AMZ1: variants seen among roughly 807,000 people sequenced by gnomAD.
AMZ1 encodes archaemetzincin-1.
A neutral mutation model predicts 29.9 loss-of-function variants in AMZ1; 39 were observed. That is an observed-to-expected ratio of 1.30 (90% CI 1.01 to 1.70). The LOEUF is 1.70. Ranked by LOEUF, AMZ1 falls within the 40% of genes most tolerant of loss-of-function variation. AMZ1 has a pLI of 0.00. For missense variants in AMZ1, 1,041 were observed against 680.6 expected (o/e 1.53, Z -5.89); for synonymous variants, 458 against 304.0 (o/e 1.51, Z -5.27).
intron 4 of AMZ1, among the ~76,000 whole-genome samples, chr7:2,740,902 G>C (rs375230513): frequency 6.6e-6 from 1 of 152,060 alleles, no homozygotes; most frequent in Non-Finnish European, 1.5e-5. Flanking sequence ...AAAATTAGTC[G>C]GGCGTGGTGG....
upstream of AMZ1, among the ~76,000 whole-genome samples, chr7:2,761,113 G>A (rs367593359): frequency 1.3e-5 from 2 of 152,292 alleles, no homozygotes; most frequent in East Asian, 3.9e-4. Flanking sequence ...TCTGGCTCTC[G>A]GCTGTGGGGC....
At chr7:2,711,129 C>A (rs798567) in intron 6 of AMZ1, among the ~76,000 whole-genome samples, 1 of 151,972 alleles carries the variant, frequency 6.6e-6, no homozygotes, top group Non-Finnish European at 1.5e-5. Flanking sequence ...GAGCTCTCTC[C>A]GTTCCGTGAG....
chr7:2,752,378 TGTA>T (rs1458818379), intron 4 of AMZ1, among the ~76,000 whole-genome samples: 1 of 152,106 alleles, frequency 6.6e-6, no homozygotes, highest in Admixed American at 6.5e-5. Context: ...TAACACTGGG[TGTA>T]AGGCAAGGAT....
intron 3 of AMZ1, among the ~76,000 whole-genome samples, chr7:2,704,665 T>C (rs1433264235): frequency 1.4e-5 from 2 of 147,644 alleles, no homozygotes; most frequent in African/African-American, 2.5e-5. Flanking sequence ...GGCATGATCT[T>C]GGCTCACTGC....
chr7:2,685,019 G>C (rs192238646), upstream of AMZ1, among the ~76,000 whole-genome samples: 1 of 151,668 alleles, frequency 6.6e-6, no homozygotes, highest in Non-Finnish European at 1.5e-5. Flanking sequence ...ACAGGCGCCC[G>C]CCACCACGCC....
intron 1 of AMZ1, among the ~76,000 whole-genome samples, chr7:2,699,354 C>G (rs1039840755): frequency 2.0e-5 from 3 of 152,198 alleles, no homozygotes; most frequent in African/African-American, 4.8e-5. Flanking sequence ...CACCCCCCAC[C>G]GTCTCCTCCC....
chr7:2,718,320 G>A lies in AMZ1; in HGVS notation c.*5442G>A, dbSNP rs986452561. 6.6e-6 allele frequency among the ~76,000 whole-genome samples: 1 copy of A among 152,144 alleles called. No homozygotes were observed. The highest frequency in any genetic ancestry group is 2.4e-5 in the African/African-American group (1 of 41,422). On this transcript the variant is annotated 3_prime_UTR_variant, in exon 7 of 7. Coordinates refer to ENST00000683327, the MANE Select transcript of AMZ1 (RefSeq NM_001384743.1). The stretch of plus-strand genomic sequence containing the variant: ...TGCTCTGCCCGCCACAGTGTGCCTG[G>A]TTTTCTGGATACAGCATGACTGAAC...
At chr7:2,696,352 G>T (rs533518583) in intron 1 of AMZ1, among the ~76,000 whole-genome samples, 1 of 149,650 alleles carries the variant, frequency 6.7e-6, no homozygotes, top group East Asian at 2.1e-4. Context: ...CGCCTCCCAG[G>T]TTCACGCCAT....
intron 4 of AMZ1, among the ~76,000 whole-genome samples, chr7:2,732,819 G>T (rs1317407435): frequency 6.6e-6 from 1 of 152,200 alleles, no homozygotes; most frequent in Non-Finnish European, 1.5e-5. Context: ...AAAAAAAGGA[G>T]AGACATACAG....
At chr7:2,707,228 G>T (rs1305025482) in intron 3 of AMZ1, among the ~76,000 whole-genome samples, 1 of 151,318 alleles carries the variant, frequency 6.6e-6, no homozygotes, top group African/African-American at 2.4e-5. Context: ...AACTGAGATA[G>T]ATAGCGCCAC....
At chr7:2,721,723 A>G (rs1429045965), downstream of AMZ1, among the ~76,000 whole-genome samples, 1 of 151,968 alleles carries the variant, frequency 6.6e-6, no homozygotes, top group East Asian at 1.9e-4. Flanking sequence ...CTCAAAAAAA[A>G]AAAAAAAGAT....
chr7:2,764,405 GA>G (rs1254249142), upstream of AMZ1, among the ~76,000 whole-genome samples: 1 of 152,118 alleles, frequency 6.6e-6, no homozygotes, highest in African/African-American at 2.4e-5. Flanking sequence ...TATTCACACA[GA>G]AGTACATCTG....
intron 4 of AMZ1, among the ~76,000 whole-genome samples, chr7:2,752,551 A>C (rs1424046667): frequency 6.6e-6 from 1 of 152,226 alleles, no homozygotes; most frequent in African/African-American, 2.4e-5. Context: ...CAAAATCCTA[A>C]GGAAGCTATA....
At chr7:2,762,705 G>C, upstream of AMZ1, 1 of 1,569,162 alleles carries the variant, frequency 6.4e-7, no homozygotes, top group South Asian at 1.2e-5. Flanking sequence ...GGGTGGAGGA[G>C]CGCCAGAGGG....
intron 1 of AMZ1, among the ~76,000 whole-genome samples, chr7:2,695,593 G>A (rs546341201): frequency 6.6e-6 from 1 of 151,714 alleles, no homozygotes; most frequent in South Asian, 2.1e-4. Flanking sequence ...CATGTCCGTA[G>A]TCTCAGCTAC....
chr7:2,696,747 A>G (rs377196204), intron 1 of AMZ1, among the ~76,000 whole-genome samples: 7 of 151,858 alleles, frequency 4.6e-5, no homozygotes, highest in South Asian at 2.1e-4. Flanking sequence ...TTAGCTGGGC[A>G]TGGTGGTGGG....
chr7:2,701,758 G>T (rs893835624), intron 2 of AMZ1, among the ~76,000 whole-genome samples: 4 of 152,210 alleles, frequency 2.6e-5, no homozygotes, highest in Admixed American at 1.3e-4. Flanking sequence ...ACCTCGCCTG[G>T]CCTTGCCCCA....
intron 4 of AMZ1, among the ~76,000 whole-genome samples, chr7:2,754,125 G>T (rs1382411476): frequency 6.6e-6 from 1 of 152,154 alleles, no homozygotes; most frequent in Non-Finnish European, 1.5e-5. Context: ...ATCCTCACCA[G>T]CATTTGTTAT....
At chr7:2,739,318 T>C (rs1790378154) in intron 4 of AMZ1, among the ~76,000 whole-genome samples, 1 of 152,026 alleles carries the variant, frequency 6.6e-6, no homozygotes, top group African/African-American at 2.4e-5. Flanking sequence ...ACAACACGAA[T>C]CTGCTTTCTG....
Sources: gnomAD v4.1 joint callset for allele counts (sites outside exome capture counted in the v4.1 genomes callset) on GRCh38, gnomAD v4.1.1 for gene constraint, MANE v1.5 for transcripts, NCBI Gene and HGNC (gene_info 2026-07-23, HGNC 2026-07-21) for gene names.